ROBO1: variants seen among roughly 807,000 people sequenced by gnomAD.
The protein encoded by ROBO1 is roundabout guidance receptor 1, also known as roundabout homolog 1.
In ROBO1, 149 loss-of-function variants were observed where a neutral mutation model predicts 195.9. That is an observed-to-expected ratio of 0.76 (90% CI 0.67 to 0.87). The LOEUF (loss-of-function observed/expected upper bound fraction) is 0.87, where lower values mean the gene tolerates loss of function less well. Ranked by LOEUF, ROBO1 falls within the 40% of genes least tolerant of loss-of-function variation. The pLI, the probability that ROBO1 is intolerant of heterozygous loss-of-function variation, is 0.00. For missense variants in ROBO1, 1,933 were observed against 2,068.3 expected (o/e 0.93, Z 1.27); for synonymous variants, 816 against 733.2 (o/e 1.11, Z -1.82).
chr3:79,569,771 G>T (rs1183202173), intron 2 of ROBO1, among the ~76,000 whole-genome samples: 1 of 151,342 alleles, frequency 6.6e-6, no homozygotes, highest in East Asian at 1.9e-4. Context: ...TGAAGCTTTA[G>T]TTTACCAAAA....
chr3:79,731,543 C>A (rs1703148788), intron 1 of ROBO1, among the ~76,000 whole-genome samples: 1 of 151,890 alleles, frequency 6.6e-6, no homozygotes, highest in Non-Finnish European at 1.5e-5. Flanking sequence ...CTGTCTATCC[C>A]AAAACATCCT....
intron 3 of ROBO1, among the ~76,000 whole-genome samples, chr3:78,981,289 A>C (rs930017414): frequency 6.6e-6 from 1 of 152,162 alleles, no homozygotes; most frequent in African/African-American, 2.4e-5. Flanking sequence ...TTAAGATCTT[A>C]CACAAATTCT....
At chr3:79,646,827 G>A (rs1443706536) in intron 1 of ROBO1, among the ~76,000 whole-genome samples, 1 of 152,070 alleles carries the variant, frequency 6.6e-6, no homozygotes, top group Non-Finnish European at 1.5e-5. Flanking sequence ...AATATCATAT[G>A]TTCTCAATCA....
chr3:78,904,685 C>T lies in ROBO1; in HGVS notation c.499+33916G>A, dbSNP rs1036651978. On this transcript the variant is annotated intron_variant, in intron 4 of 30. Transcript: ENST00000464233. ...TTGTCTGTGTGTATGTATATGTATA[C>T]GTATACATATGTATATATGTATATA... 4.0e-5 allele frequency among the ~76,000 whole-genome samples: 6 copies of T among 148,586 alleles called. No homozygotes were observed. The East Asian group carries it at 7.9e-4, about 19-fold the overall frequency.
intron 10 of ROBO1, among the ~76,000 whole-genome samples, chr3:78,682,609 T>C (rs1191221807): frequency 6.8e-6 from 1 of 147,598 alleles, no homozygotes; most frequent in Non-Finnish European, 1.5e-5. Flanking sequence ...TTTATATTTT[T>C]TGTTTATATA....
intron 8 of ROBO1, among the ~76,000 whole-genome samples, chr3:78,709,225 C>A (rs541731622): frequency 2.2e-4 from 33 of 152,102 alleles, no homozygotes; most frequent in African/African-American, 7.9e-4. Context: ...TGTAATTATC[C>A]CAAACAGCAT....
intron 1 of ROBO1, among the ~76,000 whole-genome samples, chr3:79,606,330 G>A (rs1944483876): frequency 6.6e-6 from 1 of 151,938 alleles, no homozygotes; most frequent in Admixed American, 6.6e-5. Context: ...TTCAAGCAAC[G>A]TGACTCATGA....
intron 3 of ROBO1, among the ~76,000 whole-genome samples, chr3:79,023,710 T>G (rs1195741856): frequency 2.2e-5 from 3 of 134,500 alleles, no homozygotes; most frequent in Non-Finnish European, 1.6e-5. Flanking sequence ...TTTTTTTTTT[T>G]TTTTTTTTTT....
chr3:79,546,444 T>A (rs1038211921), intron 2 of ROBO1, among the ~76,000 whole-genome samples: 2 of 152,084 alleles, frequency 1.3e-5, no homozygotes, highest in African/African-American at 4.8e-5. Context: ...AAGACAAAGA[T>A]AAGAGCTGGA....
At chr3:79,428,221 G>A (rs890618894) in intron 2 of ROBO1, among the ~76,000 whole-genome samples, 1 of 151,914 alleles carries the variant, frequency 6.6e-6, no homozygotes, top group Admixed American at 6.6e-5. Flanking sequence ...AGGTATCAGA[G>A]ATACCAATAG....
chr3:79,480,532 T>A (rs1459704655), intron 2 of ROBO1, among the ~76,000 whole-genome samples: 1 of 152,158 alleles, frequency 6.6e-6, no homozygotes, highest in Non-Finnish European at 1.5e-5. Context: ...TGCATCTTAT[T>A]GTACACACTA....
rs191117852 is a variant in ROBO1 at position 78,848,491 on chromosome 3, G to C, written c.499+90110C>G. Among the ~76,000 whole-genome samples the C allele has an allele frequency of 6.6e-4, 101 of 152,218 alleles. 1 individual carries two copies. The highest frequency in any genetic ancestry group is 2.5e-4 in the Non-Finnish European group (17 of 67,990). Reference sequence around the variant, plus strand: ...AAAGGGGTAAGAAAGTATACAATGAGGTGCAGGTTGCTGTTATATAGGAGG... The same window carrying C: ...AAAGGGGTAAGAAAGTATACAATGACGTGCAGGTTGCTGTTATATAGGAGG... On this transcript the variant is annotated intron_variant, in intron 4 of 30. Transcript: ENST00000464233.
chr3:79,688,870 A>G (rs1476730308), intron 1 of ROBO1, among the ~76,000 whole-genome samples: 1 of 152,058 alleles, frequency 6.6e-6, no homozygotes, highest in Non-Finnish European at 1.5e-5. Context: ...GTTGTAAGAT[A>G]CACATGCATG....
chr3:78,705,598 T>C (rs867372010), intron 8 of ROBO1, among the ~76,000 whole-genome samples: 4 of 152,144 alleles, frequency 2.6e-5, no homozygotes, highest in Non-Finnish European at 4.4e-5. Context: ...TTTGAGTGGG[T>C]TAGGGGATGT....
intron 2 of ROBO1, among the ~76,000 whole-genome samples, chr3:79,338,447 T>C (rs1363158414): frequency 6.6e-6 from 1 of 152,208 alleles, no homozygotes; most frequent in Non-Finnish European, 1.5e-5. Flanking sequence ...TAACCTATTT[T>C]GTCAGAATAT....
chr3:78,853,550 C>A (rs186762062), intron 4 of ROBO1, among the ~76,000 whole-genome samples: 1 of 151,252 alleles, frequency 6.6e-6, no homozygotes, highest in African/African-American at 2.4e-5. Flanking sequence ...GGTACCCAGT[C>A]ATTTGTTCAA....
intron 3 of ROBO1, among the ~76,000 whole-genome samples, chr3:79,072,777 C>G (rs985783055): frequency 1.3e-5 from 2 of 151,920 alleles, no homozygotes; most frequent in Admixed American, 6.6e-5. Flanking sequence ...TATATCTTAA[C>G]TGAATTATAT....
In ROBO1 at chr3:79,002,874, T is replaced by C. The variant is rs188183988; in HGVS notation, c.173-63947A>G. On this transcript the variant is annotated intron_variant, in intron 3 of 30. Transcript: ENST00000464233. Reference sequence around the variant, plus strand: ...ACTCCCCTCTCTCAATGTGGCCCACTGTATTGCTCCAGGACTCAAAAGGGC... The same window carrying C: ...ACTCCCCTCTCTCAATGTGGCCCACCGTATTGCTCCAGGACTCAAAAGGGC... Among the ~76,000 whole-genome samples the C allele has an allele frequency of 3.5e-4, 53 of 152,202 alleles. No homozygotes were observed. In the East Asian group the frequency reaches 9.3e-3, roughly 27 times the overall value.
intron 2 of ROBO1, among the ~76,000 whole-genome samples, chr3:79,399,606 T>C (rs1467817146): frequency 6.6e-6 from 1 of 152,170 alleles, no homozygotes; most frequent in African/African-American, 2.4e-5. Flanking sequence ...ACAGACATGT[T>C]TACTTATCTG....
Sources: gnomAD v4.1 joint callset for allele counts (sites outside exome capture counted in the v4.1 genomes callset) on GRCh38, gnomAD v4.1.1 for gene constraint, MANE v1.5 for transcripts, NCBI Gene and HGNC (gene_info 2026-07-23, HGNC 2026-07-21) for gene names.